Variants in DEPDC4 observed in about 807,000 individuals in gnomAD.
DEPDC4 encodes the protein DEP domain containing 4, also known as DEP domain-containing protein 4.
A neutral mutation model predicts 52.0 loss-of-function variants in DEPDC4; 52 were observed. That is an observed-to-expected ratio of 1.00 (90% CI 0.80 to 1.26). The LOEUF (loss-of-function observed/expected upper bound fraction) is 1.26, where lower values mean the gene tolerates loss of function less well. Ranked by LOEUF, DEPDC4 falls within the 50% of genes most tolerant of loss-of-function variation. The probability of loss-of-function intolerance (pLI) is 0.00; values close to 1 mark genes in which losing one functional copy is unlikely to be tolerated. For synonymous variants in DEPDC4, 201 were observed against 196.8 expected (o/e 1.02, Z -0.18); for missense variants, 530 against 546.9 (o/e 0.97, Z 0.31).
At chr12:100,273,290 A>G in the DEPDC4 span, among the ~76,000 whole-genome samples, 1 of 151,984 alleles carries the variant, frequency 6.6e-6, no homozygotes, top group Non-Finnish European at 1.5e-5. Context: ...TTCTCTATCC[A>G]GTTTACTCCT....
chr12:100,258,796 C>T (rs1246419802), intron 3 of DEPDC4, among the ~76,000 whole-genome samples: 2 of 151,984 alleles, frequency 1.3e-5, no homozygotes, highest in Non-Finnish European at 2.9e-5. Context: ...TCAGGCCAGG[C>T]GCGGTGGTTC....
the DEPDC4 span, among the ~76,000 whole-genome samples, chr12:100,277,544 A>G: frequency 6.6e-6 from 1 of 152,132 alleles, no homozygotes; most frequent in Non-Finnish European, 1.5e-5. Context: ...TGTTATTAAT[A>G]TTGCCACTCC....
chr12:100,236,794 C>G (rs890686578), downstream of DEPDC4, among the ~76,000 whole-genome samples: 2 of 152,120 alleles, frequency 1.3e-5, no homozygotes, highest in South Asian at 2.1e-4. Flanking sequence ...ATGTTATCTT[C>G]TAGAATTTTC....
chr12:100,262,692 T>C (rs112160544), intron 2 of DEPDC4, among the ~76,000 whole-genome samples: 2,955 of 152,288 alleles, frequency 0.019, 78 homozygotes, highest in African/African-American at 0.06. Context: ...CCAGAAAACC[T>C]TGGCTTTTAG....
At chr12:100,265,064 T>C (rs747347330) in intron 1 of DEPDC4, among the ~76,000 whole-genome samples, 1 of 152,088 alleles carries the variant, frequency 6.6e-6, no homozygotes, top group Non-Finnish European at 1.5e-5. Flanking sequence ...TTTGGGAGGC[T>C]GAAGCAGAAG....
chr12:100,250,439 C>T (rs2096203037), intron 7 of DEPDC4, among the ~76,000 whole-genome samples: 2 of 152,050 alleles, frequency 1.3e-5, no homozygotes, highest in Admixed American at 6.6e-5. Context: ...AGGCTGGTCT[C>T]GAACTCCTGA....
chr12:100,273,367 A>G, the DEPDC4 span, among the ~76,000 whole-genome samples: 1 of 152,052 alleles, frequency 6.6e-6, no homozygotes, highest in African/African-American at 2.4e-5. Flanking sequence ...CTGTGCATGT[A>G]TATTCTGTAG....
At chr12:100,278,692 T>C in the DEPDC4 span, among the ~76,000 whole-genome samples, 33,303 of 148,658 alleles carry the variant, frequency 0.22, 4,198 homozygotes, top group African/African-American at 0.33. Flanking sequence ...TGCAGTGGCG[T>C]GATCTCGGCT....
the DEPDC4 span, among the ~76,000 whole-genome samples, chr12:100,276,471 C>G: frequency 6.6e-6 from 1 of 152,024 alleles, no homozygotes; most frequent in Non-Finnish European, 1.5e-5. Context: ...TAGCTGGGAC[C>G]ATAAGCACAC....
chr12:100,259,020 G>A (rs1427455406), intron 3 of DEPDC4, among the ~76,000 whole-genome samples: 1 of 151,422 alleles, frequency 6.6e-6, no homozygotes, highest in Non-Finnish European at 1.5e-5. Context: ...GCAGTGAGCC[G>A]AGATCGCACC....
At chr12:100,258,182 G>C (rs927200665) in intron 3 of DEPDC4, among the ~76,000 whole-genome samples, 2 of 152,060 alleles carry the variant, frequency 1.3e-5, no homozygotes, top group African/African-American at 4.8e-5. Flanking sequence ...CTGAGAACTT[G>C]AAAGTGATTT....
chr12:100,241,820 T>A lies in DEPDC4; in HGVS notation c.*72A>T, dbSNP rs775101248. ...CCTTCTGCTTTTCAAACTCCTTGTA[T>A]GTCAAGGGTTGGCAAAACGTAAAGC... is the stretch of plus-strand genomic sequence containing the variant. On this transcript the variant is annotated 3_prime_UTR_variant, in exon 10 of 10. Transcript: ENST00000550587. The A allele has an allele frequency of 8.3e-7, 1 of 1,209,240 alleles. No individual in the cohort carries two copies. The highest frequency in any genetic ancestry group is 1.6e-5 in the African/African-American group (1 of 60,786). The allele number at this position is 1,209,240 out of a possible 1,614,324, so 74.9% of individuals were successfully genotyped here. A position where few individuals can be genotyped will look rare whatever the true frequency, so the allele number is the denominator to read the frequency against.
chr12:100,246,056 C>A (rs2096183868), intron 8 of DEPDC4, among the ~76,000 whole-genome samples: 2 of 151,724 alleles, frequency 1.3e-5, no homozygotes, highest in African/African-American at 4.8e-5. Context: ...ACCTACTGAG[C>A]TCAAGCAATC....
At position 100,240,202 on chromosome 12, in the gene DEPDC4, T is replaced by G. The variant is rs1280529491; in HGVS notation, c.*1690A>C. On this transcript the variant is annotated 3_prime_UTR_variant, in exon 10 of 10. Coordinates refer to ENST00000550587, the MANE Select transcript of DEPDC4 (RefSeq NM_001364818.2). ...GACAGGCTTCCTTTATTGCCCAGGC[T>G]GCAGTACAGTGGTGCAATCATAGCT... Among the ~76,000 whole-genome samples, 1 of 151,840 alleles carries G rather than the reference T, an allele frequency of 6.6e-6. No individual in the cohort carries two copies. Among genetic ancestry groups the G allele is most frequent in the African/African-American group, 2.4e-5 (1 of 41,312 alleles).
At chr12:100,272,547 T>C in the DEPDC4 span, among the ~76,000 whole-genome samples, 5 of 152,186 alleles carry the variant, frequency 3.3e-5, no homozygotes, top group Admixed American at 6.5e-5. Context: ...TTCTAAGTTT[T>C]TGGCCTGCAT....
At chr12:100,243,933 C>T (rs1349053062) in intron 8 of DEPDC4, among the ~76,000 whole-genome samples, 1 of 151,506 alleles carries the variant, frequency 6.6e-6, no homozygotes, top group East Asian at 2.0e-4. Context: ...ATTTCTTTGG[C>T]TTCATGGCAT....
At chr12:100,268,398 TTTG>T (rs1245550020), upstream of DEPDC4, among the ~76,000 whole-genome samples, 5 of 152,298 alleles carry the variant, frequency 3.3e-5, no homozygotes, top group East Asian at 1.9e-4. Context: ...ACTTTGCAGG[TTTG>T]TTGTTGTTTG....
At chr12:100,270,253 C>T (rs1006786752), upstream of DEPDC4, among the ~76,000 whole-genome samples, 1 of 152,124 alleles carries the variant, frequency 6.6e-6, no homozygotes, top group African/African-American at 2.4e-5. Flanking sequence ...TCCCAAAGTG[C>T]TGGGATTAAA....
chr12:100,244,074 T>C (rs969949699), intron 8 of DEPDC4, among the ~76,000 whole-genome samples: 11 of 34,524 alleles, frequency 3.2e-4, no homozygotes, highest in African/African-American at 9.4e-4. Flanking sequence ...TGTCTCCCTC[T>C]CTCTCTCTCT....
Sources: gnomAD v4.1 joint callset for allele counts (sites outside exome capture counted in the v4.1 genomes callset) on GRCh38, gnomAD v4.1.1 for gene constraint, MANE v1.5 for transcripts, NCBI Gene and HGNC (gene_info 2026-07-23, HGNC 2026-07-21) for gene names.